The following DOCK4 variants were observed in gnomAD, a reference collection of about 807,000 sequenced individuals.
DOCK4 encodes dedicator of cytokinesis protein 4.
DOCK4 carries 97 observed loss-of-function variants against 268.1 expected under a neutral mutation model. The ratio of observed to expected loss-of-function variants is 0.36; its 90% CI spans 0.31 to 0.43. The LOEUF (loss-of-function observed/expected upper bound fraction) is 0.43, where lower values mean the gene tolerates loss of function less well. Among genes scored for constraint, DOCK4 ranks in the 20% least tolerant of loss-of-function variants. The probability of loss-of-function intolerance (pLI) is 1.00; values close to 1 mark genes in which losing one functional copy is unlikely to be tolerated. For synonymous variants in DOCK4, 954 were observed against 887.2 expected (o/e 1.08, Z -1.34); for missense variants, 2,145 against 2,455.7 (o/e 0.87, Z 2.67).
rs1807046161 is a variant in DOCK4 at position 112,066,688 on chromosome 7, T to TATAC, written c.38-62558_38-62557insGTAT. On this transcript the variant is annotated intron_variant, in intron 1 of 52. Transcript: ENST00000428084. ...ACATATACATATACATATATACATATACATATATATATATATATATATATA... is the reference window on the plus strand; with the variant it reads ...ACATATACATATACATATATACATATATACACATATATATATATATATATATATA... Among the ~76,000 whole-genome samples, 6 of 14,510 alleles carry TATAC rather than the reference T, an allele frequency of 4.1e-4. 1 individual carries two copies. Among genetic ancestry groups the TATAC allele is most frequent in the African/African-American group, 1.7e-3 (5 of 2,956 alleles). The allele number at this position is 14,510 out of a possible 152,430, so 9.5% of individuals were successfully genotyped here.
chr7:112,195,614 CGG>C (rs1215742091), intron 1 of DOCK4, among the ~76,000 whole-genome samples: 1 of 151,822 alleles, frequency 6.6e-6, no homozygotes, highest in African/African-American at 2.4e-5. Flanking sequence ...GGGCTATTTT[CGG>C]TTGCCTTATG....
intron 32 of DOCK4, among the ~76,000 whole-genome samples, chr7:111,787,219 C>T (rs1336795991): frequency 6.6e-6 from 1 of 152,126 alleles, no homozygotes; most frequent in Non-Finnish European, 1.5e-5. Context: ...TAATTAATCA[C>T]AAATCTCAAG....
At chr7:111,860,205 C>T (rs1276024849) in intron 23 of DOCK4, among the ~76,000 whole-genome samples, 1 of 152,228 alleles carries the variant, frequency 6.6e-6, no homozygotes, top group African/African-American at 2.4e-5. Context: ...CATCAGTCCC[C>T]TAAGTCCACA....
At chr7:111,977,015 A>C in intron 8 of DOCK4, 117 bp downstream of exon 8, 1 of 1,240,702 alleles carries the variant, frequency 8.1e-7, no homozygotes, top group Non-Finnish European at 1.1e-6. Context: ...TACTGGTGAG[A>C]AAATTGAAGC....
intron 42 of DOCK4, among the ~76,000 whole-genome samples, chr7:111,748,303 C>T (rs918699800): frequency 2.0e-5 from 3 of 152,054 alleles, no homozygotes; most frequent in Non-Finnish European, 2.9e-5. Flanking sequence ...GAAGACTGAA[C>T]ATTCATCAAA....
chr7:112,023,642 T>C (rs1802532305), intron 1 of DOCK4: 1 of 453,362 alleles, frequency 2.2e-6, no homozygotes, highest in Admixed American at 2.4e-5. Flanking sequence ...TTAAAAACTC[T>C]GTCCTTGGAA....
At chr7:111,897,523 T>C (rs1808855869) in intron 15 of DOCK4, among the ~76,000 whole-genome samples, 1 of 152,194 alleles carries the variant, frequency 6.6e-6, no homozygotes, top group African/African-American at 2.4e-5. Context: ...AGTGATGTGC[T>C]GGAGCTGGAT....
At chr7:112,134,316 A>G (rs886297593) in intron 1 of DOCK4, among the ~76,000 whole-genome samples, 2 of 152,182 alleles carry the variant, frequency 1.3e-5, no homozygotes, top group African/African-American at 4.8e-5. Flanking sequence ...AAAACCCTAT[A>G]CATCTCAATC....
intron 1 of DOCK4, among the ~76,000 whole-genome samples, chr7:112,152,505 T>C (rs575485806): frequency 7.2e-5 from 11 of 152,266 alleles, no homozygotes; most frequent in African/African-American, 2.6e-4. Context: ...CTTGCAGCAC[T>C]GAGAAGGTTT....
intron 31 of DOCK4, among the ~76,000 whole-genome samples, chr7:111,790,106 G>C (rs1799427677): frequency 6.6e-6 from 1 of 152,088 alleles, no homozygotes; most frequent in South Asian, 2.1e-4. Flanking sequence ...ACAATGTGCA[G>C]ACCACTGAGA....
intron 12 of DOCK4, among the ~76,000 whole-genome samples, chr7:111,932,616 A>T (rs1431520057): frequency 1.3e-5 from 2 of 148,870 alleles, no homozygotes; most frequent in African/African-American, 4.9e-5. Flanking sequence ...TCAAAAAAGT[A>T]AAAAAAAAAA....
chr7:111,911,970 A>G (rs1329207133), intron 13 of DOCK4, among the ~76,000 whole-genome samples: 3 of 152,214 alleles, frequency 2.0e-5, no homozygotes, highest in Non-Finnish European at 4.4e-5. Flanking sequence ...AAACAGTTCT[A>G]TAAACAGTCA....
intron 1 of DOCK4, among the ~76,000 whole-genome samples, chr7:112,148,860 T>A (rs1271417536): frequency 1.3e-5 from 2 of 152,050 alleles, no homozygotes; most frequent in Non-Finnish European, 2.9e-5. Flanking sequence ...TCCAATTCAG[T>A]GAGAAGGGAA....
intron 1 of DOCK4, among the ~76,000 whole-genome samples, chr7:112,122,950 G>A (rs1797844283): frequency 6.6e-6 from 1 of 152,016 alleles, no homozygotes; most frequent in Non-Finnish European, 1.5e-5. Context: ...CCCCTCTGAA[G>A]GTCTGCTGAA....
intron 1 of DOCK4, among the ~76,000 whole-genome samples, chr7:112,158,276 A>G (rs546751452): frequency 6.3e-4 from 96 of 152,332 alleles, no homozygotes; most frequent in African/African-American, 2.2e-3. Flanking sequence ...TGGACTTGGT[A>G]CTACTCATGG....
At chr7:111,983,862 G>GCGCGCGCGCACACA in intron 7 of DOCK4, among the ~76,000 whole-genome samples, 11 of 138,558 alleles carry the variant, frequency 7.9e-5, no homozygotes, top group African/African-American at 3.1e-4. Flanking sequence ...GCGCGCGCGC[G>GCGCGCGCGCACACA]CACACACACA....
intron 1 of DOCK4, among the ~76,000 whole-genome samples, chr7:112,019,544 T>A (rs1283367532): frequency 6.6e-6 from 1 of 152,174 alleles, no homozygotes; most frequent in African/African-American, 2.4e-5. Context: ...ATAATTCAGC[T>A]ATTTCTCAAT....
At chr7:111,951,811 C>A (rs1796073810) in intron 8 of DOCK4, among the ~76,000 whole-genome samples, 1 of 151,846 alleles carries the variant, frequency 6.6e-6, no homozygotes, top group South Asian at 2.1e-4. Flanking sequence ...CTGCAGTGAG[C>A]CATGATCGCA....
intron 1 of DOCK4, among the ~76,000 whole-genome samples, chr7:112,020,981 G>T (rs1320757887): frequency 2.0e-5 from 3 of 152,188 alleles, no homozygotes; most frequent in Non-Finnish European, 4.4e-5. Flanking sequence ...CCAGAGTTCT[G>T]AAGGGTCAAC....
Sources: allele counts gnomAD v4.1 joint callset (sites outside exome capture counted in the v4.1 genomes callset), GRCh38; gene constraint gnomAD v4.1.1; transcripts MANE v1.5; gene names NCBI Gene and HGNC (gene_info 2026-07-23, HGNC 2026-07-21).